CAPZB: variants seen among roughly 807,000 people sequenced by gnomAD.
The protein encoded by CAPZB is F-actin-capping protein subunit beta.
CAPZB carries 2 observed loss-of-function variants against 38.1 expected under a neutral mutation model. The ratio of observed to expected loss-of-function variants is 0.05; its 90% CI spans 0.02 to 0.17. CAPZB has a LOEUF of 0.17. Among genes scored for constraint, CAPZB ranks in the 10% least tolerant of loss-of-function variants. The probability of loss-of-function intolerance (pLI) is 1.00; values close to 1 mark genes in which losing one functional copy is unlikely to be tolerated. For synonymous variants in CAPZB, 107 were observed against 127.4 expected, an observed-to-expected ratio of 0.84 and a Z score of 1.08; for missense variants, 161 against 334.2, an observed-to-expected ratio of 0.48 and a Z score of 4.04.
At chr1:19,438,173 C>T (rs938762571) in intron 1 of CAPZB, among the ~76,000 whole-genome samples, 12 of 152,158 alleles carry the variant, frequency 7.9e-5, no homozygotes, top group Non-Finnish European at 1.6e-4. Context: ...ACACTTGTCA[C>T]GGCGCTGCCA....
At chr1:19,444,934 G>A (rs1176800252) in intron 1 of CAPZB, among the ~76,000 whole-genome samples, 1 of 151,944 alleles carries the variant, frequency 6.6e-6, no homozygotes, top group African/African-American at 2.4e-5. Flanking sequence ...GTAGAGACGG[G>A]ATCTCACCAC....
At chr1:19,344,652 G>A (rs1000293252) in intron 7 of CAPZB, among the ~76,000 whole-genome samples, 8 of 152,358 alleles carry the variant, frequency 5.3e-5, no homozygotes, top group Non-Finnish European at 1.2e-4. Flanking sequence ...CAGGGAGGAA[G>A]CCAGTACCCA....
intron 3 of CAPZB, among the ~76,000 whole-genome samples, chr1:19,382,567 A>G (rs750284988): frequency 6.6e-6 from 1 of 152,198 alleles, no homozygotes; most frequent in African/African-American, 2.4e-5. Flanking sequence ...AGGAGAAAGA[A>G]AGACATACTT....
At chr1:19,427,287 A>G (rs1055224041) in intron 1 of CAPZB, among the ~76,000 whole-genome samples, 1 of 152,240 alleles carries the variant, frequency 6.6e-6, no homozygotes, top group African/African-American at 2.4e-5. Context: ...CTGTCTGTAC[A>G]TAAACAACCA....
At chr1:19,449,825 A>C (rs1301998955) in intron 1 of CAPZB, among the ~76,000 whole-genome samples, 1 of 151,444 alleles carries the variant, frequency 6.6e-6, no homozygotes, top group Non-Finnish European at 1.5e-5. Flanking sequence ...GAAAGAAAGA[A>C]AGAGAGCGAG....
chr1:19,440,984 C>T (rs968398791), intron 1 of CAPZB, among the ~76,000 whole-genome samples: 6 of 152,156 alleles, frequency 3.9e-5, no homozygotes, highest in African/African-American at 1.4e-4. Flanking sequence ...GGCGTGAACC[C>T]GGGAGGCGGA....
At chr1:19,387,472 G>A (rs559477581) in intron 2 of CAPZB, among the ~76,000 whole-genome samples, 51 of 152,334 alleles carry the variant, frequency 3.3e-4, no homozygotes, top group Non-Finnish European at 5.6e-4. Context: ...TTGCTGTGCT[G>A]CCACAGCCAA....
At chr1:19,397,204 TC>T (rs2094276226) in intron 2 of CAPZB, among the ~76,000 whole-genome samples, 1 of 152,208 alleles carries the variant, frequency 6.6e-6, no homozygotes, top group Non-Finnish European at 1.5e-5. Context: ...AGGTCATAAT[TC>T]CCAAGAACCT....
At chr1:19,469,516 T>C (rs2094579292) in intron 1 of CAPZB, among the ~76,000 whole-genome samples, 1 of 152,006 alleles carries the variant, frequency 6.6e-6, no homozygotes, top group Admixed American at 6.6e-5. Flanking sequence ...CCTCTCAACT[T>C]GGCCAGAACA....
chr1:19,483,600 A>G (rs2094638620), intron 1 of CAPZB, among the ~76,000 whole-genome samples: 1 of 152,188 alleles, frequency 6.6e-6, no homozygotes, highest in South Asian at 2.1e-4. Context: ...TGGGGGACTG[A>G]GGCACTTTCC....
chr1:19,385,084 G>A (rs972042716), intron 3 of CAPZB, among the ~76,000 whole-genome samples: 1 of 152,086 alleles, frequency 6.6e-6, no homozygotes, highest in Non-Finnish European at 1.5e-5. Context: ...AGCTGCGTTC[G>A]TAGATCCCTT....
At chr1:19,370,716 G>A (rs188018550) in intron 4 of CAPZB, among the ~76,000 whole-genome samples, 5 of 152,218 alleles carry the variant, frequency 3.3e-5, no homozygotes, top group East Asian at 3.9e-4. Flanking sequence ...GCTGCCAGCC[G>A]CGGGCCAAGC....
chr1:19,369,587 G>A (rs910028078), intron 4 of CAPZB, among the ~76,000 whole-genome samples: 11 of 152,242 alleles, frequency 7.2e-5, no homozygotes, highest in African/African-American at 2.7e-4. Context: ...TTACACTGTG[G>A]ACATGCCAGA....
At chr1:19,451,203 A>G (rs1292026717) in intron 1 of CAPZB, among the ~76,000 whole-genome samples, 1 of 152,154 alleles carries the variant, frequency 6.6e-6, no homozygotes, top group Non-Finnish European at 1.5e-5. Context: ...GAACTCATCA[A>G]CCTCAGCAGT....
chr1:19,428,750 C>A (rs1405296199), intron 1 of CAPZB, among the ~76,000 whole-genome samples: 2 of 152,156 alleles, frequency 1.3e-5, no homozygotes, highest in African/African-American at 4.8e-5. Context: ...CTGCCCCGAG[C>A]CCTTCTCCCC....
intron 1 of CAPZB, among the ~76,000 whole-genome samples, chr1:19,482,867 G>T (rs1233403384): frequency 6.6e-6 from 1 of 152,138 alleles, no homozygotes; most frequent in Non-Finnish European, 1.5e-5. Flanking sequence ...CGGCTTAATG[G>T]TCAGAGTATT....
chr1:19,355,804 T>C (rs1202037377), intron 6 of CAPZB, among the ~76,000 whole-genome samples: 1 of 152,220 alleles, frequency 6.6e-6, no homozygotes, highest in Non-Finnish European at 1.5e-5. Context: ...CCAAGCATCT[T>C]GTGGCACTGC....
intron 8 of CAPZB, among the ~76,000 whole-genome samples, chr1:19,343,738 C>G (rs1309280313): frequency 6.6e-6 from 1 of 152,236 alleles, no homozygotes; most frequent in Non-Finnish European, 1.5e-5. Context: ...CCAGAGAGCG[C>G]CCGGCTTTTG....
At chr1:19,352,554 C>G (rs1470519996) in intron 6 of CAPZB, among the ~76,000 whole-genome samples, 1 of 152,218 alleles carries the variant, frequency 6.6e-6, no homozygotes, top group Non-Finnish European at 1.5e-5. Flanking sequence ...GGCTTGCAAC[C>G]TTTTTTCGCT....
Sources: allele counts gnomAD v4.1 joint callset (sites outside exome capture counted in the v4.1 genomes callset), GRCh38; gene constraint gnomAD v4.1.1; transcripts MANE v1.5; gene names NCBI Gene and HGNC (gene_info 2026-07-23, HGNC 2026-07-21).